The following TFG variants were observed in gnomAD, a reference collection of about 807,000 sequenced individuals.
TFG encodes the protein trafficking from ER to golgi regulator.
Under a neutral mutation model 51.4 loss-of-function variants are expected in TFG, and 22 were observed. The observed-to-expected ratio is 0.43, with a 90% CI of 0.31 to 0.61. The LOEUF (loss-of-function observed/expected upper bound fraction) is 0.61. Ranked by LOEUF, TFG falls within the 20% of genes least tolerant of loss-of-function variation. The probability of loss-of-function intolerance (pLI) is 0.12; values close to 1 mark genes in which losing one functional copy is unlikely to be tolerated. For missense variants in TFG, 419 were observed against 487.7 expected (o/e 0.86, Z 1.33); for synonymous variants, 187 against 165.6 (o/e 1.13, Z -0.99).
intron 4 of TFG, among the ~76,000 whole-genome samples, chr3:100,732,193 CA>C (rs1553702222): frequency 1.3e-5 from 2 of 151,834 alleles, no homozygotes; most frequent in South Asian, 2.1e-4. Flanking sequence ...CCAAAAAAAC[CA>C]AAAAAAGTAA....
intron 6 of TFG, among the ~76,000 whole-genome samples, chr3:100,738,095 A>G (rs891158185): frequency 5.3e-5 from 8 of 152,176 alleles, no homozygotes; most frequent in African/African-American, 1.9e-4. Flanking sequence ...CAAAAAAAAA[A>G]AAATCCACAG....
At chr3:100,740,252 C>T (rs9863695) in intron 6 of TFG, among the ~76,000 whole-genome samples, 2,458 of 152,182 alleles carry the variant, frequency 0.016, 64 homozygotes, top group African/African-American at 0.056. Context: ...ACAGATATCC[C>T]GGAATGGTTT....
chr3:100,742,985 C>T (rs2095125403), intron 6 of TFG: 1 of 152,028 alleles, frequency 6.6e-6, no homozygotes, highest in Non-Finnish European at 1.5e-5. Flanking sequence ...TCATTGATGA[C>T]CACAGTCTAC....
At chr3:100,712,303 G>C (rs2095033489) in intron 1 of TFG, among the ~76,000 whole-genome samples, 1 of 152,128 alleles carries the variant, frequency 6.6e-6, no homozygotes, top group Non-Finnish European at 1.5e-5. Flanking sequence ...TTGATATGTT[G>C]GGGGAGTAGG....
intron 6 of TFG, among the ~76,000 whole-genome samples, chr3:100,739,381 T>G (rs899559764): frequency 6.6e-6 from 1 of 152,070 alleles, no homozygotes; most frequent in Admixed American, 6.6e-5. Context: ...CAACAAGATA[T>G]TGAGCATCAT....
intron 3 of TFG, among the ~76,000 whole-genome samples, chr3:100,728,357 T>A (rs2095081653): frequency 7.7e-6 from 1 of 130,668 alleles, no homozygotes; most frequent in African/African-American, 2.6e-5. Context: ...TCTATTAAAT[T>A]TAATAAATAT....
chr3:100,721,978 C>G (rs1168365896), intron 3 of TFG, among the ~76,000 whole-genome samples: 1 of 152,210 alleles, frequency 6.6e-6, no homozygotes, highest in Non-Finnish European at 1.5e-5. Context: ...CGGTAAAACC[C>G]TATCTCTACT....
chr3:100,716,763 T>TCCTGATATGTGTGCATTTC (rs2095047661), intron 2 of TFG, among the ~76,000 whole-genome samples: 1 of 152,182 alleles, frequency 6.6e-6, no homozygotes, highest in Admixed American at 6.5e-5. Context: ...GTCTTCATTT[T>TCCTGATATGTGTGCATTTC]CCTGATATGT....
At chr3:100,722,122 G>C (rs2095062572) in intron 3 of TFG, among the ~76,000 whole-genome samples, 2 of 152,172 alleles carry the variant, frequency 1.3e-5, no homozygotes, top group African/African-American at 4.8e-5. Context: ...CTGCACTCCA[G>C]CCTGGGTGAC....
At chr3:100,725,813 T>C (rs922367918) in intron 3 of TFG, among the ~76,000 whole-genome samples, 56 of 151,914 alleles carry the variant, frequency 3.7e-4, no homozygotes, top group Middle Eastern at 3.4e-3. Context: ...TAAATACATA[T>C]TAAGCTTTAA....
chr3:100,742,331 A>G (rs546881634), intron 6 of TFG: 1 of 152,332 alleles, frequency 6.6e-6, no homozygotes, highest in African/African-American at 2.4e-5. Context: ...TTCCTACAGC[A>G]TATCTCTGAT....
Position 100,736,558 on chromosome 3 carries a change from T to C in TFG, c.581-18T>C. The C allele has an allele frequency of 6.3e-7, 1 of 1,591,352 alleles. No homozygotes were observed. The highest frequency in any genetic ancestry group is 8.6e-7 in the Non-Finnish European group (1 of 1,166,050). ...GCCTTGTGTTGGATACTAAACTGAC[T>C]TTTTTTTGACTATCCAGGGCCACCC... On this transcript the variant is annotated intron_variant, in intron 5 of 7. Coordinates refer to ENST00000240851, the MANE Select transcript of TFG (RefSeq NM_006070.6).
intron 5 of TFG, among the ~76,000 whole-genome samples, chr3:100,736,360 A>G (rs1018180517): frequency 2.0e-5 from 3 of 152,162 alleles, no homozygotes; most frequent in African/African-American, 7.2e-5. Context: ...ATAGTACTCT[A>G]CACTTTATAA....
At chr3:100,735,384 A>T (rs2095103614) in intron 5 of TFG, among the ~76,000 whole-genome samples, 1 of 152,200 alleles carries the variant, frequency 6.6e-6, no homozygotes, top group Non-Finnish European at 1.5e-5. Context: ...TCTGAGTAGT[A>T]GTCACTTTTA....
chr3:100,714,311 C>T (rs960253840), intron 2 of TFG, among the ~76,000 whole-genome samples: 23 of 152,210 alleles, frequency 1.5e-4, no homozygotes, highest in African/African-American at 4.8e-4. Flanking sequence ...ATCAGCCTGG[C>T]CAACATGGCG....
chr3:100,729,224 G>A (rs2095084620), intron 4 of TFG, among the ~76,000 whole-genome samples: 1 of 152,148 alleles, frequency 6.6e-6, no homozygotes, highest in Non-Finnish European at 1.5e-5. Flanking sequence ...TAATAGATAA[G>A]TAATGAACCT....
At chr3:100,720,096 T>G in intron 3 of TFG, 38 bp downstream of exon 3, 1 of 1,289,952 alleles carries the variant, frequency 7.8e-7, no homozygotes, top group South Asian at 1.4e-5. Context: ...ACTATTTTAT[T>G]CATTGTATTT....
intron 2 of TFG, among the ~76,000 whole-genome samples, chr3:100,718,915 G>T (rs1347573652): frequency 6.6e-6 from 1 of 152,042 alleles, no homozygotes; most frequent in Non-Finnish European, 1.5e-5. Context: ...AGAGTGGAGG[G>T]ATGGCTTAGG....
intron 3 of TFG, among the ~76,000 whole-genome samples, chr3:100,727,231 A>G (rs2095078515): frequency 2.6e-5 from 4 of 152,160 alleles, no homozygotes; most frequent in African/African-American, 9.7e-5. Context: ...ACTGTACCAG[A>G]CCAGTTTCTG....
Sources: allele counts gnomAD v4.1 joint callset (sites outside exome capture counted in the v4.1 genomes callset), GRCh38; gene constraint gnomAD v4.1.1; transcripts MANE v1.5; gene names NCBI Gene and HGNC (gene_info 2026-07-23, HGNC 2026-07-21).